CLCN5: variants seen among roughly 807,000 people sequenced by gnomAD.
CLCN5 encodes the protein H(+)/Cl(-) exchange transporter 5.
CLCN5 carries 17 observed loss-of-function variants against 54.0 expected under a neutral mutation model. The observed-to-expected ratio is 0.31, with a 90% CI of 0.22 to 0.47. CLCN5 has a LOEUF of 0.47. Ranked by LOEUF, CLCN5 falls within the 20% of genes least tolerant of loss-of-function variation. The pLI is 1.00. For synonymous variants in CLCN5, 222 were observed against 233.0 expected, an observed-to-expected ratio of 0.95 and a Z score of 0.43; for missense variants, 448 against 646.7, an observed-to-expected ratio of 0.69 and a Z score of 3.33.
In CLCN5 at chrX:50,093,605, C is replaced by T. The variant is rs1253592818; in HGVS notation, c.*1386C>T. 1 of 111,638 alleles carries T rather than the reference C, an allele frequency of 9.0e-6. No homozygotes were observed. The highest frequency in any genetic ancestry group is 1.9e-5 in the Non-Finnish European group (1 of 53,041). The allele number at this position is 111,638 out of a possible 1,213,427, so 9.2% of individuals were successfully genotyped here. ...ACTCTGGGGACACTTGGTGGAATTA[C>T]AGAGCCACCATCATCATTCCAACCA... On this transcript the variant is annotated 3_prime_UTR_variant, in exon 15 of 15. Transcript: ENST00000376091.
chrX:49,998,997 C>T lies in CLCN5; in HGVS notation c.17-43319C>T, dbSNP rs190072082. Reference sequence around the variant, plus strand: ...AGTGAATTTTCTAGTGCCACCCCCCCGCCATAGGCTATGTGCCCCCTTGCT... The same window carrying T: ...AGTGAATTTTCTAGTGCCACCCCCCTGCCATAGGCTATGTGCCCCCTTGCT... On this transcript the variant is annotated intron_variant, in intron 3 of 14. Coordinates refer to ENST00000376091, the MANE Select transcript of CLCN5 (RefSeq NM_001127898.4). Among the ~76,000 whole-genome samples, 15 of 109,665 alleles carry T rather than the reference C, an allele frequency of 1.4e-4. No individual in the cohort carries two copies. In the East Asian group the frequency reaches 2.9e-3, roughly 21 times the overall value.
At chrX:49,960,119 C>A (rs892637742) in intron 3 of CLCN5, among the ~76,000 whole-genome samples, 1 of 110,663 alleles carries the variant, frequency 9.0e-6, no homozygotes, top group African/African-American at 3.3e-5. Context: ...ATGTTCTTTC[C>A]CACCCAGCAA....
rs781985348 is a variant in CLCN5, at chrX:49,969,704, C to A, written c.16+44390C>A. The stretch of plus-strand genomic sequence containing the variant: ...CCAGAATATGGTATATCTTAGTAAA[C>A]TGTTCTGTGTGCACTTGAAAGTAAC... On this transcript the variant is annotated intron_variant, in intron 3 of 14. Coordinates refer to ENST00000376091, the MANE Select transcript of CLCN5 (RefSeq NM_001127898.4). Among the ~76,000 whole-genome samples, 339 of 112,036 alleles carry A rather than the reference C, an allele frequency of 3.0e-3. 1 individual carries two copies. Among genetic ancestry groups the A allele is most frequent in the African/African-American group, 0.01 (320 of 30,851 alleles).
In CLCN5 at chrX:50,070,482, T is replaced by A. The variant is rs1933184398; in HGVS notation, c.315+452T>A. On this transcript the variant is annotated intron_variant, in intron 5 of 14. Transcript: ENST00000376091. Reference sequence around the variant, plus strand: ...TTCCCATATAATCTCTCTTTTATGGTTTTTTCCTTAATGCAGGATATTCAT... The same window carrying A: ...TTCCCATATAATCTCTCTTTTATGGATTTTTCCTTAATGCAGGATATTCAT... Among the ~76,000 whole-genome samples the A allele has an allele frequency of 2.7e-5, 3 of 111,732 alleles. No individual in the cohort carries two copies. The Admixed American group carries it at 2.9e-4, about 11-fold the overall frequency.
chrX:50,066,100 C>T (rs1409011430), intron 4 of CLCN5, among the ~76,000 whole-genome samples: 7 of 96,482 alleles, frequency 7.3e-5, no homozygotes, highest in African/African-American at 2.4e-4. Flanking sequence ...CAGCATGGCA[C>T]ATGTATACAC....
At chrX:50,080,825 G>A (rs1197058976) in intron 8 of CLCN5, 109 bp downstream of exon 8, 1 of 686,300 alleles carries the variant, frequency 1.5e-6, no homozygotes, top group African/African-American at 2.1e-5. Context: ...TGTTAAACAG[G>A]ATCAGATCCT....
At chrX:49,964,657 CTGTT>C (rs201105751) in intron 3 of CLCN5, among the ~76,000 whole-genome samples, 1,454 of 111,812 alleles carry the variant, frequency 0.013, 16 homozygotes, top group African/African-American at 0.044. Context: ...TGCTATTAAT[CTGTT>C]TATCAAACTC....
rs1054571769 is a variant in CLCN5 at position 49,941,763 on chromosome X, A to G, written c.16+16449A>G. 2.7e-5 allele frequency among the ~76,000 whole-genome samples: 3 copies of G among 110,471 alleles called. No homozygotes were observed. The Admixed American group carries it at 2.9e-4, about 11-fold the overall frequency. On this transcript the variant is annotated intron_variant, in intron 3 of 14. Coordinates refer to ENST00000376091, the MANE Select transcript of CLCN5 (RefSeq NM_001127898.4). ...CATTATTTATGATTCCAGTCTTTCT[A>G]CCCGATTCCAGTCTTTCTACAGCCT... is the stretch of plus-strand genomic sequence containing the variant.
chrX:49,987,125 C>T (rs1371163890), intron 3 of CLCN5, among the ~76,000 whole-genome samples: 1 of 112,355 alleles, frequency 8.9e-6, no homozygotes, highest in Non-Finnish European at 1.9e-5. Flanking sequence ...CTTATATTGC[C>T]CAACACATTT....
At chrX:49,951,672 G>C (rs782764719) in intron 3 of CLCN5, among the ~76,000 whole-genome samples, 2 of 112,097 alleles carry the variant, frequency 1.8e-5, no homozygotes, top group African/African-American at 3.2e-5. Flanking sequence ...GGTTTAGGAA[G>C]GAGGTGACAT....
Position 50,088,680 on chromosome X carries a change from A to T in CLCN5, c.1558-18A>T. ...TCACATCATTTCTCACTAACCATCT[A>T]TTGGTTTCTCTTTGCAGATCCCTTC... On this transcript the variant is annotated intron_variant, in intron 11 of 14. Transcript: ENST00000376091. 8.3e-7 allele frequency: 1 copy of T among 1,201,117 alleles called. No individual in the cohort carries two copies. Among genetic ancestry groups the T allele is most frequent in the Non-Finnish European group, 1.1e-6 (1 of 886,156 alleles).
intron 12 of CLCN5, among the ~76,000 whole-genome samples, chrX:50,089,909 A>G (rs1030744007): frequency 9.0e-6 from 1 of 111,525 alleles, no homozygotes; most frequent in African/African-American, 3.3e-5. Flanking sequence ...GAGAGAAAAA[A>G]GAAAAACAGA....
intron 4 of CLCN5, among the ~76,000 whole-genome samples, chrX:50,055,734 C>A (rs1025088211): frequency 9.8e-5 from 11 of 111,879 alleles, no homozygotes; most frequent in Non-Finnish European, 1.7e-4. Context: ...ACTCCAGAGA[C>A]AACCACCAAA....
rs1925118745 is a variant in CLCN5, at chrX:49,922,706, A to G, written c.-291A>G. 1 of 113,041 alleles carries G rather than the reference A, an allele frequency of 8.8e-6. No homozygotes were observed. The highest frequency in any genetic ancestry group is 3.2e-5 in the African/African-American group (1 of 31,200). 9.3% of individuals were successfully genotyped at this position (113,041 alleles called of 1,213,427 possible). A position where few individuals can be genotyped will look rare whatever the true frequency, so the allele number is the denominator to read the frequency against. On this transcript the variant is annotated 5_prime_UTR_variant, in exon 1 of 15. Coordinates refer to ENST00000376091, the MANE Select transcript of CLCN5 (RefSeq NM_001127898.4). ...GCCGGCTACGTGGGGCGCTCACTCAACTTGGTGTCCTGGACGCCAGAGCCG... is the reference window on the plus strand; with the variant it reads ...GCCGGCTACGTGGGGCGCTCACTCAGCTTGGTGTCCTGGACGCCAGAGCCG...
intron 3 of CLCN5, among the ~76,000 whole-genome samples, chrX:50,012,517 TATTCAGGTTGTCCCTCTCTTTC>T (rs1447420942): frequency 8.9e-6 from 1 of 112,651 alleles, no homozygotes; most frequent in Non-Finnish European, 1.9e-5. Flanking sequence ...TCGAGCCTTC[TATTCAGGTTGTCCCTCTCTTTC>T]ATTCTTCGTA....
rs1193637538 is a variant in CLCN5, at chrX:50,046,352, C to T, written c.163+3890C>T. On this transcript the variant is annotated intron_variant, in intron 4 of 14. Coordinates refer to ENST00000376091, the MANE Select transcript of CLCN5 (RefSeq NM_001127898.4). Reference sequence around the variant, plus strand: ...ACTGTGCTGTTTTAGTAATGCTCTTCGATTCCCCTTTTTTCCTCACCTCCC... The same window carrying T: ...ACTGTGCTGTTTTAGTAATGCTCTTTGATTCCCCTTTTTTCCTCACCTCCC... 5.4e-5 allele frequency among the ~76,000 whole-genome samples: 6 copies of T among 112,104 alleles called. No individual in the cohort carries two copies. The East Asian group carries it at 1.1e-3, about 21-fold the overall frequency.
At chrX:49,930,931 T>C (rs1925614023) in intron 3 of CLCN5, among the ~76,000 whole-genome samples, 1 of 111,387 alleles carries the variant, frequency 9.0e-6, no homozygotes, top group Non-Finnish European at 1.9e-5. Flanking sequence ...ATATTACTTG[T>C]CTTAGTGTTC....
chrX:50,067,835 T>C lies in CLCN5; in HGVS notation c.164-2044T>C, dbSNP rs782226338. 1.7e-5 allele frequency: 8 copies of C among 465,300 alleles called. No homozygotes were observed. The South Asian group carries it at 8.0e-4, about 47-fold the overall frequency. 38.3% of individuals were successfully genotyped at this position (465,300 alleles called of 1,213,427 possible). ...AGGGGATCTGGAGAATTGCAAGCAG[T>C]CTGTTGTAGGATTCTAATCACTGCC... On this transcript the variant is annotated intron_variant, in intron 4 of 14. Coordinates refer to ENST00000376091, the MANE Select transcript of CLCN5 (RefSeq NM_001127898.4).
At chrX:50,041,738 T>C (rs1165929244) in intron 3 of CLCN5, among the ~76,000 whole-genome samples, 2 of 111,891 alleles carry the variant, frequency 1.8e-5, no homozygotes, top group Non-Finnish European at 3.8e-5. Flanking sequence ...AACTACATGG[T>C]AATGCTAGAG....
Sources: gnomAD v4.1 joint callset for allele counts (sites outside exome capture counted in the v4.1 genomes callset) on GRCh38, gnomAD v4.1.1 for gene constraint, MANE v1.5 for transcripts, NCBI Gene and HGNC (gene_info 2026-07-23, HGNC 2026-07-21) for gene names.